Variants in PTPRG observed in about 807,000 individuals in gnomAD.
PTPRG encodes protein tyrosine phosphatase receptor type G.
Under a neutral mutation model 165.3 loss-of-function variants are expected in PTPRG, and 102 were observed. That is an observed-to-expected ratio of 0.62 (90% CI 0.53 to 0.73). PTPRG has a LOEUF of 0.73. Ranked by LOEUF, PTPRG falls within the 30% of genes least tolerant of loss-of-function variation. PTPRG has a pLI of 0.00. For missense variants in PTPRG, 1,866 were observed against 1,861.4 expected, an observed-to-expected ratio of 1.00 and a Z score of -0.05; for synonymous variants, 675 against 669.5, an observed-to-expected ratio of 1.01 and a Z score of -0.13.
intron 6 of PTPRG, among the ~76,000 whole-genome samples, chr3:62,146,281 T>A (rs1704117633): frequency 6.6e-6 from 1 of 152,210 alleles, no homozygotes; most frequent in Non-Finnish European, 1.5e-5. Flanking sequence ...CTGAAACCTC[T>A]AATAAAGTTG....
rs1220550805 is a variant in PTPRG, at chr3:61,830,560, G to GTTTTTTTTTTTTTTTTTTTTTTTTTTT, written c.190+81583_190+81584insTTTTTTTTTTTTTTTTTTTTTTTTTTT. ...CTTAAAACTGGTGATGGTTCTTTTT[G>GTTTTTTTTTTTTTTTTTTTTTTTTTTT]TTTTTGTTTTTTTTTTTTTTTTTTT... On this transcript the variant is annotated intron_variant, in intron 2 of 29. Transcript: ENST00000474889. Among the ~76,000 whole-genome samples the GTTTTTTTTTTTTTTTTTTTTTTTTTTT allele has an allele frequency of 2.2e-5, 2 of 90,106 alleles. 1 individual carries two copies. Among genetic ancestry groups the GTTTTTTTTTTTTTTTTTTTTTTTTTTT allele is most frequent in the African/African-American group, 8.4e-5 (2 of 23,882 alleles). 59.1% of individuals were successfully genotyped at this position (90,106 alleles called of 152,430 possible). A position where few individuals can be genotyped will look rare whatever the true frequency, so the allele number is the denominator to read the frequency against.
chr3:62,284,937 C>T (rs967806101), intron 28 of PTPRG, among the ~76,000 whole-genome samples: 2 of 152,148 alleles, frequency 1.3e-5, no homozygotes, highest in Non-Finnish European at 2.9e-5. Flanking sequence ...CCTGCAAATC[C>T]TCTTTCCTCT....
At chr3:62,161,114 C>A (rs957127017) in intron 7 of PTPRG, among the ~76,000 whole-genome samples, 2 of 151,910 alleles carry the variant, frequency 1.3e-5, no homozygotes, top group East Asian at 1.9e-4. Context: ...GATAATACTC[C>A]CCTCATGGAG....
intron 5 of PTPRG, among the ~76,000 whole-genome samples, chr3:62,092,063 G>GAC (rs58689072): frequency 4.4e-5 from 5 of 114,874 alleles, no homozygotes; most frequent in African/African-American, 1.4e-4. Context: ...CTTATACATG[G>GAC]ACACACACAC....
At chr3:62,186,115 G>T (rs948521643) in intron 8 of PTPRG, among the ~76,000 whole-genome samples, 1 of 152,154 alleles carries the variant, frequency 6.6e-6, no homozygotes, top group African/African-American at 2.4e-5. Flanking sequence ...CGGGTGTCTG[G>T]TACTATCGTT....
At chr3:62,046,126 A>G (rs1353537422) in intron 4 of PTPRG, among the ~76,000 whole-genome samples, 1 of 152,186 alleles carries the variant, frequency 6.6e-6, no homozygotes, top group African/African-American at 2.4e-5. Flanking sequence ...TTACCTTACT[A>G]GGGCACCCTC....
chr3:61,995,050 TTTTTTTCTTTTTTC>T (rs1247457685), intron 3 of PTPRG, among the ~76,000 whole-genome samples: 1 of 112,530 alleles, frequency 8.9e-6, no homozygotes, highest in East Asian at 2.1e-4. Flanking sequence ...TTACAGGTTT[TTTTTTTCTTTTTTC>T]TTTTTTCTTT....
At chr3:61,604,869 G>C (rs927691094) in intron 1 of PTPRG, among the ~76,000 whole-genome samples, 2 of 152,098 alleles carry the variant, frequency 1.3e-5, no homozygotes, top group African/African-American at 4.8e-5. Flanking sequence ...CAGGCAGGGT[G>C]CCCTGATATA....
chr3:61,962,476 T>C lies in PTPRG; in HGVS notation c.191-27149T>C, dbSNP rs1042912889. ...TTACATAACCTATGGCAAAGTGAAA[T>C]GGGGAGAGTTAAGTGTGGCGTGTAT... On this transcript the variant is annotated intron_variant, in intron 2 of 29. Coordinates refer to ENST00000474889, the MANE Select transcript of PTPRG (RefSeq NM_002841.4). Among the ~76,000 whole-genome samples the C allele has an allele frequency of 3.3e-5, 5 of 152,100 alleles. 1 individual carries two copies. Among genetic ancestry groups the C allele is most frequent in the Admixed American group, 3.3e-4 (5 of 15,260 alleles).
At position 61,798,866 on chromosome 3, in the gene PTPRG, T is replaced by C. The variant is rs116699894; in HGVS notation, c.190+49884T>C. Among the ~76,000 whole-genome samples, 563 of 152,170 alleles carry C rather than the reference T, an allele frequency of 3.7e-3. 4 individuals are homozygous for C. The highest frequency in any genetic ancestry group is 0.013 in the African/African-American group (539 of 41,530). On this transcript the variant is annotated intron_variant, in intron 2 of 29. Transcript: ENST00000474889. ...AGGTCAGTGGAACAGACCAGAGGCA[T>C]GGTGAGTCTTTGGCCTCCTGTTGAT... is the stretch of plus-strand genomic sequence containing the variant.
intron 2 of PTPRG, among the ~76,000 whole-genome samples, chr3:61,802,047 G>C (rs1264726986): frequency 6.7e-6 from 1 of 149,282 alleles, no homozygotes; most frequent in Non-Finnish European, 1.5e-5. Flanking sequence ...AAAAGACTCA[G>C]TGTTTCAGGT....
At chr3:62,193,246 G>A (rs539638679) in intron 9 of PTPRG, among the ~76,000 whole-genome samples, 3 of 152,328 alleles carry the variant, frequency 2.0e-5, no homozygotes, top group African/African-American at 7.2e-5. Flanking sequence ...AAGATGAATA[G>A]ATACCGTCTT....
At chr3:61,967,592 G>C (rs1463254812) in intron 2 of PTPRG, among the ~76,000 whole-genome samples, 1 of 152,158 alleles carries the variant, frequency 6.6e-6, no homozygotes, top group Non-Finnish European at 1.5e-5. Context: ...ATAGTTAAAA[G>C]CAGAAAAGGG....
At chr3:61,645,466 T>C (rs867594901) in intron 1 of PTPRG, among the ~76,000 whole-genome samples, 2 of 152,358 alleles carry the variant, frequency 1.3e-5, no homozygotes, top group Middle Eastern at 3.4e-3. Context: ...ACCAATCACA[T>C]GCATCTGTCC....
chr3:61,596,275 T>G (rs1700696421), intron 1 of PTPRG, among the ~76,000 whole-genome samples: 2 of 152,186 alleles, frequency 1.3e-5, no homozygotes, highest in Admixed American at 1.3e-4. Flanking sequence ...GATATGTACA[T>G]TTAGCTTAAA....
At chr3:61,977,663 G>A (rs9985368) in intron 2 of PTPRG, among the ~76,000 whole-genome samples, 70,058 of 151,640 alleles carry the variant, frequency 0.46, 16,943 homozygotes, top group African/African-American at 0.63. Context: ...TTTTTAAAAA[G>A]TTTAACTTTT....
At chr3:61,783,860 A>G (rs1037289227) in intron 2 of PTPRG, among the ~76,000 whole-genome samples, 3 of 152,158 alleles carry the variant, frequency 2.0e-5, no homozygotes, top group African/African-American at 4.8e-5. Context: ...TTTGGACTCT[A>G]AAGTGGAGAC....
In PTPRG at chr3:61,724,127, G is replaced by C. The variant is rs147051425; in HGVS notation, c.86-24751G>C. Among the ~76,000 whole-genome samples, 59 of 151,444 alleles carry C rather than the reference G, an allele frequency of 3.9e-4. No homozygotes were observed. The East Asian group carries it at 8.6e-3, about 22-fold the overall frequency. Reference sequence around the variant, plus strand: ...TGGCGTCTGTAACCCCAGCTACTTGGGAGGCTGAGGCACTGGAGGGGGAGG... The same window carrying C: ...TGGCGTCTGTAACCCCAGCTACTTGCGAGGCTGAGGCACTGGAGGGGGAGG... On this transcript the variant is annotated intron_variant, in intron 1 of 29. Coordinates refer to ENST00000474889, the MANE Select transcript of PTPRG (RefSeq NM_002841.4).
rs768792673 is a variant in PTPRG, at chr3:62,271,606, C to G, written c.3182+51C>G. On this transcript the variant is annotated intron_variant, in intron 21 of 29. Coordinates refer to ENST00000474889, the MANE Select transcript of PTPRG (RefSeq NM_002841.4). This position sits in a 1 kb window ranked among gnomAD's most constrained non-coding sequence, Gnocchi z 4.1. ...AATAGATGGGGCAGGGGACTTAGGCCTCAGTGACCTTGGACCACAATGATT... is the reference window on the plus strand; with the variant it reads ...AATAGATGGGGCAGGGGACTTAGGCGTCAGTGACCTTGGACCACAATGATT... 2.0e-6 allele frequency: 3 copies of G among 1,525,332 alleles called. No homozygotes were observed. Among genetic ancestry groups the G allele is most frequent in the Non-Finnish European group, 2.7e-6 (3 of 1,122,894 alleles). 94.5% of individuals were successfully genotyped at this position (1,525,332 alleles called of 1,614,324 possible).
Sources: gnomAD v4.1 joint callset for allele counts (sites outside exome capture counted in the v4.1 genomes callset) on GRCh38, gnomAD v4.1.1 for gene constraint, Gnocchi (gnomAD v3.1) non-coding constraint, MANE v1.5 for transcripts, NCBI Gene and HGNC (gene_info 2026-07-23, HGNC 2026-07-21) for gene names.